The following DUSP15 variants were observed in gnomAD, a reference collection of about 807,000 sequenced individuals.
DUSP15 encodes the protein dual specificity phosphatase 15.
In DUSP15, 23 loss-of-function variants were observed where a neutral mutation model predicts 26.3. The ratio of observed to expected loss-of-function variants is 0.87; its 90% CI spans 0.63 to 1.24. The LOEUF (loss-of-function observed/expected upper bound fraction) is 1.24. Among genes scored for constraint, DUSP15 ranks in the 50% most tolerant of loss-of-function variants. DUSP15 has a pLI of 0.00. For synonymous variants in DUSP15, 143 were observed against 135.5 expected, an observed-to-expected ratio of 1.06 and a Z score of -0.39; for missense variants, 364 against 320.6, an observed-to-expected ratio of 1.14 and a Z score of -1.03.
intron 6 of DUSP15, among the ~76,000 whole-genome samples, chr20:31,862,205 C>A (rs2062676214): frequency 6.6e-6 from 1 of 152,138 alleles, no homozygotes; most frequent in African/African-American, 2.4e-5. Flanking sequence ...AGGGAAACTG[C>A]TGTGGTCTCA....
downstream of DUSP15, among the ~76,000 whole-genome samples, chr20:31,857,917 G>A (rs1347607672): frequency 6.6e-6 from 1 of 152,214 alleles, no homozygotes; most frequent in East Asian, 1.9e-4. Flanking sequence ...TGGTGGAGTG[G>A]GAGAAGAGGC....
At chr20:31,865,987 C>A (rs1268696009) in intron 3 of DUSP15, among the ~76,000 whole-genome samples, 1 of 152,200 alleles carries the variant, frequency 6.6e-6, no homozygotes, top group Non-Finnish European at 1.5e-5. Flanking sequence ...TCCAAATACT[C>A]CCAAACGAGG....
chr20:31,857,365 C>T (rs2062577384), downstream of DUSP15, among the ~76,000 whole-genome samples: 2 of 151,886 alleles, frequency 1.3e-5, no homozygotes, highest in South Asian at 2.1e-4. Flanking sequence ...CTATGTTGCC[C>T]AGACTGGTCT....
At chr20:31,859,289 T>A (rs1340414020), downstream of DUSP15, among the ~76,000 whole-genome samples, 1 of 102,186 alleles carries the variant, frequency 9.8e-6, no homozygotes, top group African/African-American at 3.6e-5. Flanking sequence ...TTCATGTCTA[T>A]GCATTTTTTT....
intron 8 of DUSP15, chr20:31,849,422 A>G: frequency 2.0e-6 from 1 of 511,910 alleles, no homozygotes; most frequent in Non-Finnish European, 3.7e-6. Context: ...CCTTAGGCCC[A>G]TCCCCCTGGG....
intron 7 of DUSP15, among the ~76,000 whole-genome samples, chr20:31,850,033 T>A (rs912401902): frequency 2.6e-5 from 4 of 152,196 alleles, no homozygotes; most frequent in Non-Finnish European, 5.9e-5. Flanking sequence ...ATAAGAATTC[T>A]AGTAATAATA....
Position 31,870,401 on chromosome 20 carries a change from G to A in DUSP15, c.-64C>T. On this transcript the variant is annotated 5_prime_UTR_variant, in exon 1 of 7. Transcript: ENST00000339738. The surrounding 1 kb of genome is among the most constrained non-coding windows in gnomAD (Gnocchi z 6.6). Reference sequence around the variant, plus strand: ...CCGCCCGGGAAGCGATCCGGTCACAGCTGCCCTGACGGCCCAGGCCCGACG... The same window carrying A: ...CCGCCCGGGAAGCGATCCGGTCACAACTGCCCTGACGGCCCAGGCCCGACG... 1 of 1,289,468 alleles carries A rather than the reference G, an allele frequency of 7.8e-7. No individual in the cohort carries two copies. The highest frequency in any genetic ancestry group is 1.5e-5 in the African/African-American group (1 of 65,772). The allele number at this position is 1,289,468 out of a possible 1,614,324, so 79.9% of individuals were successfully genotyped here.
chr20:31,867,631 G>GTTTTGTTTTTTTTTGTTTTTTTT (rs2062797175), intron 2 of DUSP15, among the ~76,000 whole-genome samples: 1 of 77,652 alleles, frequency 1.3e-5, no homozygotes, highest in African/African-American at 5.5e-5. Flanking sequence ...TGCCCACAAT[G>GTTTTGTTTTTTTTTGTTTTTTTT]TTTTTTTTTT....
In DUSP15 at chr20:31,861,632, C is replaced by T. The variant is rs1177375654; in HGVS notation, c.479G>A (p.Arg160His). 2.4e-6 allele frequency: 3 copies of T among 1,257,282 alleles called. No individual in the cohort carries two copies. The highest frequency in any genetic ancestry group is 1.5e-4 in the East Asian group (2 of 13,546). 77.9% of individuals were successfully genotyped at this position (1,257,282 alleles called of 1,614,324 possible). A position where few individuals can be genotyped will look rare whatever the true frequency, so the allele number is the denominator to read the frequency against. ...LEERFGESPF[R>H]DEEELRALLP... ...CAGCGCGCGCAACTCCTCCTCGTCG[C>T]GGAAGGGGCTCTCGCCGAAGCGCTC... The change falls in exon 7 of 7, where the codon CGC (arginine) becomes CAC (histidine). Residue 160 changes from arginine (R) to histidine (H), a missense_variant. By Grantham distance (29) the Arg-to-His change is conservative (BLOSUM62 0). Coordinates refer to ENST00000339738, the MANE Select transcript of DUSP15 (RefSeq NM_080611.5).
intron 6 of DUSP15, among the ~76,000 whole-genome samples, chr20:31,862,096 C>T (rs936077008): frequency 6.6e-6 from 1 of 152,128 alleles, no homozygotes; most frequent in Non-Finnish European, 1.5e-5. Flanking sequence ...CTCTGGGTAC[C>T]GCCCTCAACC....
chr20:31,848,269 A>C, exon 10 of DUSP15: 2 of 1,019,060 alleles, frequency 2.0e-6, no homozygotes, highest in Non-Finnish European at 2.7e-6. Flanking sequence ...GCCCCGTGAC[A>C]GAGGAGTGGA....
At chr20:31,864,322 G>A in intron 4 of DUSP15, 13 of 1,084,102 alleles carry the variant, frequency 1.2e-5, no homozygotes, top group Non-Finnish European at 1.5e-5. Flanking sequence ...CTCCTCTGGG[G>A]TCTGCAATCA....
intron 8 of DUSP15, chr20:31,848,987 C>T: frequency 8.7e-7 from 1 of 1,148,300 alleles, no homozygotes; most frequent in Non-Finnish European, 1.3e-6. Context: ...CCATCTTGTG[C>T]TCATTTCCCA....
downstream of DUSP15, among the ~76,000 whole-genome samples, chr20:31,860,057 C>T (rs2062619331): frequency 6.6e-6 from 1 of 152,228 alleles, no homozygotes; most frequent in Non-Finnish European, 1.5e-5. Context: ...CACCACCTGA[C>T]ATATTTTTTA....
chr20:31,848,286 C>T, exon 10 of DUSP15: 6 of 1,219,552 alleles, frequency 4.9e-6, no homozygotes, highest in African/African-American at 1.6e-5. Flanking sequence ...TGGAAGGCCG[C>T]GATCCACCTC....
downstream of DUSP15, among the ~76,000 whole-genome samples, chr20:31,846,594 C>T (rs183525554): frequency 8.6e-4 from 131 of 152,236 alleles, no homozygotes; most frequent in African/African-American, 3.0e-3. Context: ...GGTCTACTGC[C>T]TTCTCCTGCG....
At chr20:31,862,830 C>T in intron 5 of DUSP15, 88 bp from the exon 6 acceptor site, 2 of 1,359,524 alleles carry the variant, frequency 1.5e-6, no homozygotes, top group Non-Finnish European at 2.0e-6. Flanking sequence ...AACTCCCCCA[C>T]CCTTGCCTCC....
intron 6 of DUSP15, among the ~76,000 whole-genome samples, chr20:31,853,897 C>G (rs2062516295): frequency 6.6e-6 from 1 of 151,940 alleles, no homozygotes; most frequent in African/African-American, 2.4e-5. Flanking sequence ...AGTTACCGTG[C>G]CCAGCCTGGG....
chr20:31,862,463 A>C (rs2062680714), intron 6 of DUSP15, 108 bp downstream of exon 6: 1 of 1,358,060 alleles, frequency 7.4e-7, no homozygotes. Flanking sequence ...ACCCTAGAAA[A>C]ATCCGGGTCT....
Sources: allele counts gnomAD v4.1 joint callset (sites outside exome capture counted in the v4.1 genomes callset), GRCh38; gene constraint gnomAD v4.1.1; non-coding constraint Gnocchi (gnomAD v3.1); transcripts MANE v1.5; gene names NCBI Gene and HGNC (gene_info 2026-07-23, HGNC 2026-07-21).